LRRK1: variants seen among roughly 807,000 people sequenced by gnomAD.
LRRK1 encodes the protein leucine rich repeat kinase 1.
A neutral mutation model predicts 209.1 loss-of-function variants in LRRK1; 113 were observed. That is an observed-to-expected ratio of 0.54 (90% CI 0.46 to 0.63). The LOEUF (loss-of-function observed/expected upper bound fraction) is 0.63. Ranked by LOEUF, LRRK1 falls within the 30% of genes least tolerant of loss-of-function variation. The pLI is 0.00. For synonymous variants in LRRK1, 1,144 were observed against 1,099.7 expected, an observed-to-expected ratio of 1.04 and a Z score of -0.80; for missense variants, 2,284 against 2,632.2, an observed-to-expected ratio of 0.87 and a Z score of 2.89.
intron 20 of LRRK1, among the ~76,000 whole-genome samples, chr15:101,036,172 T>G (rs1483171699): frequency 2.6e-5 from 4 of 152,260 alleles, no homozygotes; most frequent in Non-Finnish European, 5.9e-5. Flanking sequence ...TTTTGTTAAA[T>G]AGGTTTTCCT....
intron 11 of LRRK1, 33 bp from the exon 12 acceptor site, chr15:101,015,293 T>G (rs2141700776): frequency 6.5e-7 from 1 of 1,547,364 alleles, no homozygotes; most frequent in Non-Finnish European, 8.9e-7. Context: ...TGTCGTGCTG[T>G]CCTCAAATTT....
rs2031275853 is a variant in LRRK1 at position 100,976,076 on chromosome 15, A to T, written c.261+2109A>T. 2.0e-5 allele frequency among the ~76,000 whole-genome samples: 3 copies of T among 152,334 alleles called. No individual in the cohort carries two copies. The South Asian group carries it at 6.2e-4, about 32-fold the overall frequency. On this transcript the variant is annotated intron_variant, in intron 3 of 33. Transcript: ENST00000388948. The stretch of plus-strand genomic sequence containing the variant: ...ACAAGTTTATGTTAAAACACTCAAA[A>T]ATTTAGATGAAATGAACAAATAAAA...
Position 101,027,542 on chromosome 15 carries a change from C to T in LRRK1, c.2527-96C>T, listed in dbSNP as rs554141028. The T allele has an allele frequency of 3.4e-5, 52 of 1,513,796 alleles. No individual in the cohort carries two copies. In the African/African-American group the frequency reaches 3.7e-4, roughly 11 times the overall value. The allele number at this position is 1,513,796 out of a possible 1,614,324, so 93.8% of individuals were successfully genotyped here. A position where few individuals can be genotyped will look rare whatever the true frequency, so the allele number is the denominator to read the frequency against. On this transcript the variant is annotated intron_variant, in intron 18 of 33. Transcript: ENST00000388948. This position sits in a 1 kb window ranked among gnomAD's most constrained non-coding sequence, Gnocchi z 5.1. The stretch of plus-strand genomic sequence containing the variant: ...TGGAAGATAGTGGGTGGAAACGTCC[C>T]ACCCCCTCAGGCCACAGGGGCCGGG...
intron 2 of LRRK1, among the ~76,000 whole-genome samples, chr15:100,962,819 ATATATT>A (rs1330728470): frequency 0.054 from 1,011 of 18,676 alleles, 30 homozygotes; most frequent in Non-Finnish European, 0.091. Context: ...ATATATATAT[ATATATT>A]TTTTTTTTTT....
intron 29 of LRRK1, among the ~76,000 whole-genome samples, chr15:101,059,267 G>A (rs140919442): frequency 0.012 from 1,770 of 152,120 alleles, 27 homozygotes; most frequent in African/African-American, 0.029. Flanking sequence ...GAATGGTGGC[G>A]AGCACCTGTA....
intron 20 of LRRK1, 152 bp downstream of exon 20, chr15:101,029,384 C>G: frequency 1.3e-6 from 1 of 785,204 alleles, no homozygotes; most frequent in Non-Finnish European, 1.9e-6. Flanking sequence ...GATGACCTGC[C>G]TGCCGGGCCT....
At chr15:100,955,912 G>T (rs1470399537) in intron 2 of LRRK1, among the ~76,000 whole-genome samples, 1 of 152,034 alleles carries the variant, frequency 6.6e-6, no homozygotes, top group Admixed American at 6.6e-5. Flanking sequence ...GAGGATTTTT[G>T]CACCTAAGTT....
At chr15:101,057,385 G>A (rs2035871591) in intron 28 of LRRK1, among the ~76,000 whole-genome samples, 1 of 152,226 alleles carries the variant, frequency 6.6e-6, no homozygotes, top group Non-Finnish European at 1.5e-5. Context: ...ATGGGGAAAA[G>A]GTTTCGTTGT....
intron 1 of LRRK1, 100 bp from the exon 2 acceptor site, chr15:100,924,411 A>C: frequency 1.8e-6 from 1 of 548,922 alleles, no homozygotes; most frequent in Non-Finnish European, 3.3e-6. Context: ...ACAAAAAGGA[A>C]TGTTGCAGAG....
At chr15:101,021,464 C>T (rs1425058087) in intron 13 of LRRK1, among the ~76,000 whole-genome samples, 1 of 152,134 alleles carries the variant, frequency 6.6e-6, no homozygotes, top group African/African-American at 2.4e-5. Flanking sequence ...CATTGCATGC[C>T]AGCTACTGCC....
chr15:100,952,921 G>T (rs12905610), intron 2 of LRRK1, among the ~76,000 whole-genome samples: 133,454 of 152,038 alleles, frequency 0.88, 58,768 homozygotes, highest in East Asian at 0.98. Flanking sequence ...TAACTCTAGG[G>T]CCACTCATTT....
intron 3 of LRRK1, among the ~76,000 whole-genome samples, chr15:100,980,022 G>T (rs2031512114): frequency 2.6e-5 from 4 of 152,096 alleles, no homozygotes; most frequent in African/African-American, 9.7e-5. Context: ...TAGTTTGTCA[G>T]TTTCTTTAAA....
intron 6 of LRRK1, among the ~76,000 whole-genome samples, chr15:100,993,260 G>A (rs1194491193): frequency 6.6e-6 from 1 of 152,058 alleles, no homozygotes; most frequent in Non-Finnish European, 1.5e-5. Flanking sequence ...ATTTTAGCTT[G>A]TTGATTACAG....
rs1302000244 is a variant in LRRK1 at position 101,017,449 on chromosome 15, G to GC, written c.1609+2053dup. ...TAGAAATACATCGGGAGTCCCCAGC[G>GC]CCCCCCAGGAAGCGAACCGGTATTG... On this transcript the variant is annotated intron_variant, in intron 12 of 33. Coordinates refer to ENST00000388948, the MANE Select transcript of LRRK1 (RefSeq NM_024652.6). Among the ~76,000 whole-genome samples the GC allele has an allele frequency of 6.6e-5, 10 of 152,200 alleles. No individual in the cohort carries two copies. The South Asian group carries it at 1.9e-3, about 28-fold the overall frequency.
At chr15:101,006,944 C>T (rs958830091) in intron 6 of LRRK1, among the ~76,000 whole-genome samples, 2 of 152,230 alleles carry the variant, frequency 1.3e-5, no homozygotes, top group African/African-American at 4.8e-5. Flanking sequence ...AAAAAATCAG[C>T]TCAGAATCTA....
At chr15:101,011,400 G>A (rs1001108120) in intron 9 of LRRK1, among the ~76,000 whole-genome samples, 6 of 151,536 alleles carry the variant, frequency 4.0e-5, no homozygotes, top group African/African-American at 1.2e-4. Flanking sequence ...TGCTTTTACC[G>A]GGGAGGCAGA....
In LRRK1 at chr15:100,959,907, ACT is replaced by A. The variant is rs1299271560; in HGVS notation, c.98-13893_98-13892del. 2.2e-4 allele frequency among the ~76,000 whole-genome samples: 33 copies of A among 150,826 alleles called. 1 individual carries two copies. Among genetic ancestry groups the A allele is most frequent in the African/African-American group, 7.8e-4 (32 of 41,034 alleles). ...TCTCAGTAGATGGCATGATTGGAAAACTCTCGGTGCCTCATCCTAAATGTTCC... is the reference window on the plus strand; with the variant it reads ...TCTCAGTAGATGGCATGATTGGAAAACTCGGTGCCTCATCCTAAATGTTCC... On this transcript the variant is annotated intron_variant, in intron 2 of 33. Transcript: ENST00000388948.
chr15:100,978,576 A>G (rs1468649059), intron 3 of LRRK1, among the ~76,000 whole-genome samples: 1 of 152,192 alleles, frequency 6.6e-6, no homozygotes, highest in East Asian at 1.9e-4. Context: ...ACAGAACATC[A>G]CTACAGATCC....
rs1295249352 is a variant in LRRK1 at position 100,919,464 on chromosome 15, C to T, written c.-123+13C>T. The T allele has an allele frequency of 6.8e-6, 1 of 147,804 alleles. No homozygotes were observed. The highest frequency in any genetic ancestry group is 2.4e-5 in the African/African-American group (1 of 40,886). 9.2% of individuals were successfully genotyped at this position (147,804 alleles called of 1,614,324 possible). A position where few individuals can be genotyped will look rare whatever the true frequency, so the allele number is the denominator to read the frequency against. The stretch of plus-strand genomic sequence containing the variant: ...GCCGCCGCCTCAGGTAAGCGCCGCT[C>T]CTGCCGGCGCCCCCCGGCGGCCTGG... On this transcript the variant is annotated intron_variant, in intron 1 of 33. Coordinates refer to ENST00000388948, the MANE Select transcript of LRRK1 (RefSeq NM_024652.6). The surrounding 1 kb of genome is among the most constrained non-coding windows in gnomAD (Gnocchi z 5.8).
Sources: allele counts gnomAD v4.1 joint callset (sites outside exome capture counted in the v4.1 genomes callset), GRCh38; gene constraint gnomAD v4.1.1; non-coding constraint Gnocchi (gnomAD v3.1); transcripts MANE v1.5; gene names NCBI Gene and HGNC (gene_info 2026-07-23, HGNC 2026-07-21).